The following MED25 variants were observed in gnomAD, a reference collection of about 807,000 sequenced individuals.
MED25 encodes mediator complex subunit 25, also known as mediator of RNA polymerase II transcription subunit 25.
Under a neutral mutation model 89.4 loss-of-function variants are expected in MED25, and 62 were observed. That is an observed-to-expected ratio of 0.69 (90% CI 0.57 to 0.86). MED25 has a LOEUF of 0.86. MED25 is among the 40% of genes least tolerant of loss of function. The pLI, the probability that MED25 is intolerant of heterozygous loss-of-function variation, is 0.00. For synonymous variants in MED25, 449 were observed against 427.9 expected (o/e 1.05, Z -0.61); for missense variants, 905 against 1,005.2 (o/e 0.90, Z 1.35).
chr19:49,825,891 C>T (rs1273372561), intron 3 of MED25, among the ~76,000 whole-genome samples: 3 of 152,048 alleles, frequency 2.0e-5, no homozygotes, highest in Non-Finnish European at 4.4e-5. Context: ...ACTAGCTCCC[C>T]ATTCCCCCAT....
rs896339548 is a variant in MED25, at chr19:49,835,348, C to T, written c.1674+171C>T. The stretch of plus-strand genomic sequence containing the variant: ...AGTCTCTCTCCTTTTTCAGCATCCA[C>T]ATCAAAGCCCTGACACAGCTTCCTC... On this transcript the variant is annotated intron_variant, in intron 14 of 17. Transcript: ENST00000312865. This position sits in a 1 kb window ranked among gnomAD's most constrained non-coding sequence, Gnocchi z 6.2. 4.6e-5 allele frequency among the ~76,000 whole-genome samples: 7 copies of T among 152,184 alleles called. No individual in the cohort carries two copies. The highest frequency in any genetic ancestry group is 1.7e-4 in the African/African-American group (7 of 41,428).
At chr19:49,828,422 T>C (rs76743844) in intron 3 of MED25, 27 bp from the exon 4 acceptor site, 9 of 352,914 alleles carry the variant, frequency 2.6e-5, no homozygotes, top group Non-Finnish European at 3.1e-5. Flanking sequence ...ATGGCAACCC[T>C]GGGGGCTGAC....
rs2074081401 is a variant in MED25, at chr19:49,834,492, C to T, written c.1483-494C>T. On this transcript the variant is annotated intron_variant, in intron 13 of 17. Coordinates refer to ENST00000312865, the MANE Select transcript of MED25 (RefSeq NM_030973.4). This position sits in a 1 kb window ranked among gnomAD's most constrained non-coding sequence, Gnocchi z 4.1. ...GGCTCTTGCTGTGGATCAGACATCG[C>T]ATAGTCACAGCGACCCTGTGATGTG... The T allele has an allele frequency of 5.0e-6, 1 of 200,272 alleles. No individual in the cohort carries two copies. Among genetic ancestry groups the T allele is most frequent in the African/African-American group, 2.3e-5 (1 of 43,442 alleles). The allele number at this position is 200,272 out of a possible 1,614,324, so 12.4% of individuals were successfully genotyped here.
chr19:49,821,360 C>T (rs1301645939), intron 3 of MED25, among the ~76,000 whole-genome samples: 2 of 152,202 alleles, frequency 1.3e-5, no homozygotes, highest in African/African-American at 2.4e-5. Context: ...CGGCTCACTG[C>T]AGCCTCGACC....
At chr19:49,823,108 A>C (rs114243848) in intron 3 of MED25, among the ~76,000 whole-genome samples, 3,257 of 152,202 alleles carry the variant, frequency 0.021, 55 homozygotes, top group Middle Eastern at 0.027. Flanking sequence ...ACCACCATGC[A>C]TGGCTGATTT....
At chr19:49,832,255 C>A in intron 12 of MED25, 53 bp from the exon 13 acceptor site, 1 of 1,524,290 alleles carries the variant, frequency 6.6e-7, no homozygotes. Flanking sequence ...GCCTCATGTC[C>A]CCGCCTCACT....
rs960321727 is a variant in MED25 at position 49,834,670 on chromosome 19, G to A, written c.1483-316G>A. The A allele has an allele frequency of 2.3e-6, 1 of 434,916 alleles. No homozygotes were observed. The highest frequency in any genetic ancestry group is 2.2e-5 in the South Asian group (1 of 46,414). 26.9% of individuals were successfully genotyped at this position (434,916 alleles called of 1,614,324 possible). A position where few individuals can be genotyped will look rare whatever the true frequency, so the allele number is the denominator to read the frequency against. On this transcript the variant is annotated intron_variant, in intron 13 of 17. Coordinates refer to ENST00000312865, the MANE Select transcript of MED25 (RefSeq NM_030973.4). The surrounding 1 kb of genome is among the most constrained non-coding windows in gnomAD (Gnocchi z 4.1). The stretch of plus-strand genomic sequence containing the variant: ...GCCGTGACCCTCAGCCGCCCTCTGA[G>A]GAGGCCGCCGTGGCATTTTATGCCC...
rs532792112 is a variant in MED25, at chr19:49,836,059, G to A, written c.1965+114G>A. Reference sequence around the variant, plus strand: ...GGTCAGTGGGTGTGAATGGGGACCCGCCCAGGGCTTTAGGCAGAAGGCAGA... The same window carrying A: ...GGTCAGTGGGTGTGAATGGGGACCCACCCAGGGCTTTAGGCAGAAGGCAGA... On this transcript the variant is annotated intron_variant, in intron 16 of 17. Transcript: ENST00000312865. The surrounding 1 kb of genome is among the most constrained non-coding windows in gnomAD (Gnocchi z 5.1). 13 of 1,547,610 alleles carry A rather than the reference G, an allele frequency of 8.4e-6. No homozygotes were observed. The highest frequency in any genetic ancestry group is 7.1e-5 in the South Asian group (6 of 84,930).
chr19:49,831,183 T>G lies in MED25; in HGVS notation c.1102-150T>G. On this transcript the variant is annotated intron_variant, in intron 9 of 17. Transcript: ENST00000312865. The surrounding 1 kb of genome is among the most constrained non-coding windows in gnomAD (Gnocchi z 5.0). Reference sequence around the variant, plus strand: ...CTCGAATCCTGCAAGGTCCAAGCATTTGGGGTCCTGCGGCTGGCCAAGTGC... The same window carrying G: ...CTCGAATCCTGCAAGGTCCAAGCATGTGGGGTCCTGCGGCTGGCCAAGTGC... 1 of 854,080 alleles carries G rather than the reference T, an allele frequency of 1.2e-6. No homozygotes were observed. The highest frequency in any genetic ancestry group is 1.7e-5 in the South Asian group (1 of 60,540). 52.9% of individuals were successfully genotyped at this position (854,080 alleles called of 1,614,324 possible). A position where few individuals can be genotyped will look rare whatever the true frequency, so the allele number is the denominator to read the frequency against.
downstream of MED25, chr19:49,840,337 A>G (rs2074124966): frequency 6.6e-6 from 1 of 152,204 alleles, no homozygotes; most frequent in African/African-American, 2.4e-5. Context: ...TGTTTGTATT[A>G]TGTTCCATGC....
At chr19:49,826,112 G>A (rs1381984337) in intron 3 of MED25, among the ~76,000 whole-genome samples, 3 of 152,082 alleles carry the variant, frequency 2.0e-5, no homozygotes, top group African/African-American at 4.8e-5. Context: ...AGGCCGAGGC[G>A]GGTGGATCAT....
chr19:49,835,255 G>A lies in MED25; in HGVS notation c.1674+78G>A. On this transcript the variant is annotated intron_variant, in intron 14 of 17. Transcript: ENST00000312865. This position sits in a 1 kb window ranked among gnomAD's most constrained non-coding sequence, Gnocchi z 6.2. Reference sequence around the variant, plus strand: ...CCACATGGCCCCCTGGGGTCTCCAGGACCAAGATGCCCACCCTTCTCCCAA... The same window carrying A: ...CCACATGGCCCCCTGGGGTCTCCAGAACCAAGATGCCCACCCTTCTCCCAA... 1.4e-6 allele frequency: 2 copies of A among 1,474,412 alleles called. No individual in the cohort carries two copies. The allele number at this position is 1,474,412 out of a possible 1,614,324, so 91.3% of individuals were successfully genotyped here. A position where few individuals can be genotyped will look rare whatever the true frequency, so the allele number is the denominator to read the frequency against.
chr19:49,827,718 C>T lies in MED25; in HGVS notation c.306-731C>T, dbSNP rs148600545. ...AACCTGTCTTTTTGAAGGGGGCACA[C>T]TTGAACCCATAAGACTAGGAGGACA... On this transcript the variant is annotated intron_variant, in intron 3 of 17. Coordinates refer to ENST00000312865, the MANE Select transcript of MED25 (RefSeq NM_030973.4). Among the ~76,000 whole-genome samples, 32 of 152,318 alleles carry T rather than the reference C, an allele frequency of 2.1e-4. 1 individual carries two copies. The highest frequency in any genetic ancestry group is 7.5e-4 in the African/African-American group (31 of 41,568).
At chr19:49,837,142 G>A (rs528390430), downstream of MED25, among the ~76,000 whole-genome samples, 122 of 152,314 alleles carry the variant, frequency 8.0e-4, 1 homozygote, top group Middle Eastern at 3.4e-3. Flanking sequence ...AACCTGATTC[G>A]TGGGAGATGC....
intron 3 of MED25, among the ~76,000 whole-genome samples, chr19:49,821,089 A>G (rs1480028400): frequency 6.6e-6 from 1 of 152,200 alleles, no homozygotes; most frequent in Non-Finnish European, 1.5e-5. Flanking sequence ...AGGGTCTCAC[A>G]AGGCAATAGT....
chr19:49,826,785 G>A (rs1054374711), intron 3 of MED25, among the ~76,000 whole-genome samples: 1 of 152,238 alleles, frequency 6.6e-6, no homozygotes, highest in Admixed American at 6.5e-5. Context: ...CATCCGGGCC[G>A]GAATGGGTGT....
chr19:49,836,463 G>C lies in MED25; in HGVS notation c.2146+57G>C. The C allele has an allele frequency of 2.6e-6, 4 of 1,538,978 alleles. No individual in the cohort carries two copies. Among genetic ancestry groups the C allele is most frequent in the Non-Finnish European group, 3.5e-6 (4 of 1,135,134 alleles). ...GACTGAGTGTCCCAGCAGCTCCTGG[G>C]CTAGAGCACCAAGACCGAGTGCTCC... On this transcript the variant is annotated intron_variant, in intron 17 of 17. Coordinates refer to ENST00000312865, the MANE Select transcript of MED25 (RefSeq NM_030973.4). This position sits in a 1 kb window ranked among gnomAD's most constrained non-coding sequence, Gnocchi z 5.1.
intron 3 of MED25, among the ~76,000 whole-genome samples, chr19:49,825,374 G>A (rs964481224): frequency 1.3e-5 from 2 of 151,836 alleles, no homozygotes. Flanking sequence ...TCAGCCTCCC[G>A]AGTAGCTGGG....
Position 49,818,936 on chromosome 19 carries a change from C to G in MED25, c.181-236C>G, listed in dbSNP as rs1239635907. 4 of 527,802 alleles carry G rather than the reference C, an allele frequency of 7.6e-6. No individual in the cohort carries two copies. The African/African-American group carries it at 9.1e-5, about 12-fold the overall frequency. 32.7% of individuals were successfully genotyped at this position (527,802 alleles called of 1,614,324 possible). A position where few individuals can be genotyped will look rare whatever the true frequency, so the allele number is the denominator to read the frequency against. ...GGAGCTGAGGCCTGGATTCCTGGGTCTGAGGGAGGAGGTGCTGGGGCCTGG... is the reference window on the plus strand; with the variant it reads ...GGAGCTGAGGCCTGGATTCCTGGGTGTGAGGGAGGAGGTGCTGGGGCCTGG... On this transcript the variant is annotated intron_variant, in intron 2 of 17. Coordinates refer to ENST00000312865, the MANE Select transcript of MED25 (RefSeq NM_030973.4).
Sources: gnomAD v4.1 joint callset for allele counts (sites outside exome capture counted in the v4.1 genomes callset) on GRCh38, gnomAD v4.1.1 for gene constraint, Gnocchi (gnomAD v3.1) non-coding constraint, MANE v1.5 for transcripts, NCBI Gene and HGNC (gene_info 2026-07-23, HGNC 2026-07-21) for gene names.